OTUD5: variants seen among roughly 807,000 people sequenced by gnomAD.
OTUD5 encodes the protein OTU domain-containing protein 5.
OTUD5 carries 2 observed loss-of-function variants against 36.3 expected under a neutral mutation model. The ratio of observed to expected loss-of-function variants is 0.06; its 90% CI spans 0.02 to 0.17. The LOEUF is 0.17. Ranked by LOEUF, OTUD5 falls within the 10% of genes least tolerant of loss-of-function variation. The pLI, the probability that OTUD5 is intolerant of heterozygous loss-of-function variation, is 1.00. For missense variants in OTUD5, 233 were observed against 512.3 expected (o/e 0.45, Z 5.26); for synonymous variants, 234 against 214.9 (o/e 1.09, Z -0.78).
chrX:48,928,782 T>C (rs2063703383), intron 5 of OTUD5, among the ~76,000 whole-genome samples: 1 of 104,150 alleles, frequency 9.6e-6, no homozygotes, highest in Admixed American at 1.0e-4. Context: ...TGCAGTGATA[T>C]TGTGCCACTG....
At chrX:48,956,866 T>C in intron 1 of OTUD5, 111 bp downstream of exon 1, 1 of 833,049 alleles carries the variant, frequency 1.2e-6, no homozygotes. Context: ...TCAGGCCCAG[T>C]GAAAACGCCT....
Position 48,934,572 on chromosome X carries a change from G to A in OTUD5, c.951C>T (p.Asp317=), listed in dbSNP as rs782314088. The A allele has an allele frequency of 5.8e-6, 7 of 1,210,076 alleles. No individual in the cohort carries two copies. The Admixed American group carries it at 6.5e-5, about 11-fold the overall frequency. The change falls in exon 5 of 9, where the codon GAC becomes GAT. Residue 317 remains aspartate, a synonymous_variant. Transcript: ENST00000376488. ...NTFHGIHQNE[D]EPIRVSYHRN... ...GATGGTAGCTAACACGAATGGGTTC[G>A]TCCTCGTTTTGATGTATCCCATGGA...
Position 48,934,577 on chromosome X carries a change from C to T in OTUD5, c.946G>A (p.Glu316Lys), listed in dbSNP as rs2063802524. ...TAGCTAACACGAATGGGTTCGTCCT[C>T]GTTTTGATGTATCCCATGGAATGTG... ...INTFHGIHQNEDEPIRVSYHR... is the reference protein window; with the variant it reads ...INTFHGIHQNKDEPIRVSYHR... The change falls in exon 5 of 9, where the codon GAG becomes AAG. Residue 316 changes from glutamate to lysine, a missense_variant. Physicochemically the swap from Glu to Lys is moderately conservative, Grantham distance 56 (BLOSUM62 1). Coordinates refer to ENST00000376488, the MANE Select transcript of OTUD5 (RefSeq NM_001136157.2). 8.3e-7 allele frequency: 1 copy of T among 1,210,440 alleles called. No individual in the cohort carries two copies. The highest frequency in any genetic ancestry group is 1.1e-6 in the Non-Finnish European group (1 of 894,597).
In OTUD5 at chrX:48,923,615, C is replaced by CA; in HGVS notation, c.1579+17dup. 2 of 1,118,661 alleles carry CA rather than the reference C, an allele frequency of 1.8e-6. No individual in the cohort carries two copies. Among genetic ancestry groups the CA allele is most frequent in the Non-Finnish European group, 2.4e-6 (2 of 816,452 alleles). The allele number at this position is 1,118,661 out of a possible 1,213,427, so 92.2% of individuals were successfully genotyped here. Reference sequence around the variant, plus strand: ...CAGCTCCTAGCAGCCTCCATCCCCCCAGACAAAGGAGGCTTACCAAAGGCA... The same window carrying CA: ...CAGCTCCTAGCAGCCTCCATCCCCCCAAGACAAAGGAGGCTTACCAAAGGCA... On this transcript the variant is annotated intron_variant, in intron 8 of 8. Transcript: ENST00000376488.
chrX:48,954,726 G>C (rs782172955), intron 1 of OTUD5, among the ~76,000 whole-genome samples: 8 of 111,861 alleles, frequency 7.2e-5, no homozygotes, highest in Non-Finnish European at 1.5e-4. Flanking sequence ...CTGTCCCTGG[G>C]AAGAAAAAAG....
chrX:48,935,483 T>C (rs1207841715), intron 2 of OTUD5, among the ~76,000 whole-genome samples: 4 of 109,714 alleles, frequency 3.6e-5, no homozygotes, highest in African/African-American at 1.3e-4. Context: ...CAAGTCAACA[T>C]GGCCTTTGTA....
chrX:48,957,213 C>T lies in OTUD5; in HGVS notation c.358G>A (p.Ala120Thr), dbSNP rs1402785226. The change falls in exon 1 of 9, where the codon GCG becomes ACG. Residue 120 changes from alanine to threonine, a missense_variant. Transcript: ENST00000376488. ...CCCGCGGCACCCACACCCGCCGCCG[C>T]TGCGCCCAGCGCGTCGCCGGGACCG... ...GGGPGDALGA[A>T]AAGVGAAGVV... The T allele has an allele frequency of 1.7e-5, 19 of 1,100,916 alleles. No homozygotes were observed. The highest frequency in any genetic ancestry group is 2.2e-5 in the Non-Finnish European group (19 of 851,245). 90.7% of individuals were successfully genotyped at this position (1,100,916 alleles called of 1,213,427 possible). A position where few individuals can be genotyped will look rare whatever the true frequency, so the allele number is the denominator to read the frequency against.
At chrX:48,944,813 G>A (rs989777490) in intron 1 of OTUD5, among the ~76,000 whole-genome samples, 5 of 111,863 alleles carry the variant, frequency 4.5e-5, no homozygotes, top group Non-Finnish European at 7.5e-5. Flanking sequence ...ACCTGAGGTC[G>A]GGAGTTCGAG....
chrX:48,953,017 C>G lies in OTUD5; in HGVS notation c.594+3960G>C, dbSNP rs782373049. 2.7e-5 allele frequency among the ~76,000 whole-genome samples: 3 copies of G among 112,222 alleles called. No individual in the cohort carries two copies. The South Asian group carries it at 1.1e-3, about 41-fold the overall frequency. ...TCCAAGGTGTGCAAGGTCAGACACA[C>G]CTGGGCATGGACAAACTTTTGCAAA... On this transcript the variant is annotated intron_variant, in intron 1 of 8. Coordinates refer to ENST00000376488, the MANE Select transcript of OTUD5 (RefSeq NM_001136157.2).
At chrX:48,932,864 C>T (rs1390861016) in intron 5 of OTUD5, among the ~76,000 whole-genome samples, 2 of 110,544 alleles carry the variant, frequency 1.8e-5, no homozygotes, top group Admixed American at 1.9e-4. Context: ...CCTGTAGTCT[C>T]CCAGCTACTC....
chrX:48,925,788 G>A (rs1490568625), intron 6 of OTUD5, 59 bp downstream of exon 6: 11 of 1,006,634 alleles, frequency 1.1e-5, no homozygotes, highest in African/African-American at 3.8e-5. Context: ...CTCGCTTGAG[G>A]GCAAAGCATG....
rs1041777332 is a variant in OTUD5 at position 48,925,769 on chromosome X, T to A, written c.1263+78A>T. 10 of 877,073 alleles carry A rather than the reference T, an allele frequency of 1.1e-5. No homozygotes were observed. In the Admixed American group the frequency reaches 2.2e-4, roughly 19 times the overall value. The allele number at this position is 877,073 out of a possible 1,213,427, so 72.3% of individuals were successfully genotyped here. A position where few individuals can be genotyped will look rare whatever the true frequency, so the allele number is the denominator to read the frequency against. The stretch of plus-strand genomic sequence containing the variant: ...CTCCCAGATGTCAAAACTGCTTAAT[T>A]TTTTTCTGCTCGCTTGAGGGCAAAG... On this transcript the variant is annotated intron_variant, in intron 6 of 8. Transcript: ENST00000376488.
chrX:48,957,678 C>G (rs2064277589), upstream of OTUD5: 1 of 789,069 alleles, frequency 1.3e-6, no homozygotes, highest in Non-Finnish European at 1.5e-6. Context: ...AACGGCGAGA[C>G]CCGGATAAAG....
At chrX:48,924,486 C>G (rs1473559731) in intron 6 of OTUD5, among the ~76,000 whole-genome samples, 2 of 111,736 alleles carry the variant, frequency 1.8e-5, no homozygotes, top group African/African-American at 6.5e-5. Flanking sequence ...GTCCTCTGCT[C>G]ACAATCCTCC....
chrX:48,928,400 C>T (rs1025992003), intron 5 of OTUD5, among the ~76,000 whole-genome samples: 2 of 111,927 alleles, frequency 1.8e-5, no homozygotes, highest in East Asian at 5.5e-4. Context: ...TAAACTGGTA[C>T]CTCCATAAAA....
chrX:48,923,854 G>C lies in OTUD5; in HGVS notation c.1462C>G (p.Pro488Ala). ...TCCCTGTGGGCAAGTCACTGACCTG[G>C]CGCACAGGGCGAAGGAGGTTTGGCA... The part of the protein sequence containing the change: ...ALAKPPSPCA[P>A]GTSSQFSAGA... The change falls in exon 7 of 9, where the codon CCA becomes GCA. Residue 488 changes from proline to alanine, a missense_variant. By Grantham distance (27) the Pro-to-Ala change is conservative. This residue lies in a region of OTUD5 where 57 missense variants were observed against 133.1 expected (regional missense o/e 0.43). Coordinates refer to ENST00000376488, the MANE Select transcript of OTUD5 (RefSeq NM_001136157.2). 1 of 1,211,412 alleles carries C rather than the reference G, an allele frequency of 8.3e-7. No individual in the cohort carries two copies. Among genetic ancestry groups the C allele is most frequent in the Non-Finnish European group, 1.1e-6 (1 of 894,961 alleles).
At chrX:48,947,034 C>T (rs1240732463) in intron 1 of OTUD5, among the ~76,000 whole-genome samples, 1 of 111,957 alleles carries the variant, frequency 8.9e-6, no homozygotes, top group African/African-American at 3.2e-5. Flanking sequence ...AAACAGGTAA[C>T]CACCACAAGG....
At chrX:48,934,038 C>A (rs782794713) in intron 5 of OTUD5, among the ~76,000 whole-genome samples, 5 of 111,929 alleles carry the variant, frequency 4.5e-5, no homozygotes, top group Non-Finnish European at 9.4e-5. Flanking sequence ...AGCTGCCAGC[C>A]TGGAATACTT....
chrX:48,939,384 A>G (rs1479824997), intron 2 of OTUD5, among the ~76,000 whole-genome samples: 1 of 111,570 alleles, frequency 9.0e-6, no homozygotes, highest in Non-Finnish European at 1.9e-5. Context: ...CTAGGGCCAC[A>G]GAGGCCAATA....
Sources: allele counts gnomAD v4.1 joint callset (sites outside exome capture counted in the v4.1 genomes callset), GRCh38; gene constraint gnomAD v4.1.1; regional missense constraint gnomAD v4.1.1; transcripts MANE v1.5; gene names NCBI Gene and HGNC (gene_info 2026-07-23, HGNC 2026-07-21).